Variants in OR5A2 observed in about 807,000 individuals in gnomAD.
The protein encoded by OR5A2 is olfactory receptor family 5 subfamily A member 2.
For missense variants in OR5A2, 406 were observed against 398.9 expected, an observed-to-expected ratio of 1.02 and a Z score of -0.15; for synonymous variants, 155 against 151.1, an observed-to-expected ratio of 1.03 and a Z score of -0.19.
chr11:59,422,396 C>T lies in OR5A2; in HGVS notation c.558G>A (p.Leu186=), dbSNP rs1171997179. ...NHFFCDLPPV[L]ALSCSDTFTS... is the part of the protein sequence containing the mutation. ...TGAAGGTATCAGAGCAGGACAGAGC[C>T]AGGACTGGAGGGAGGTCACAGAAAA... Residue 186 remains leucine (L), a synonymous_variant, in exon 2 of 2, where the codon CTG becomes CTA. Coordinates refer to ENST00000302040, the MANE Select transcript of OR5A2 (RefSeq NM_001001954.2). The T allele has an allele frequency of 6.2e-7, 1 of 1,614,010 alleles. No individual in the cohort carries two copies. The highest frequency in any genetic ancestry group is 1.3e-5 in the African/African-American group (1 of 74,894).
rs1235119383 is a variant in OR5A2 at position 59,422,151 on chromosome 11, G to C, written c.803C>G (p.Ser268Cys). 1 of 1,614,086 alleles carries C rather than the reference G, an allele frequency of 6.2e-7. No individual in the cohort carries two copies. Among genetic ancestry groups the C allele is most frequent in the South Asian group, 1.1e-5 (1 of 91,080 alleles). ...FMYMRPSSSYSLNRDKVVSIF... is the reference protein window; with the variant it reads ...FMYMRPSSSYCLNRDKVVSIF... ...GGACACCACCTTGTCCCTGTTTAGGGAGTAGCTGGAACTGGGTCGCATGTA... is the reference window on the plus strand; with the variant it reads ...GGACACCACCTTGTCCCTGTTTAGGCAGTAGCTGGAACTGGGTCGCATGTA... Residue 268 changes from serine to cysteine, a missense_variant, in exon 2 of 2, where the codon TCC becomes TGC. Transcript: ENST00000302040.
rs915789254 is a variant in OR5A2, at chr11:59,420,291, G to T, written c.*1688C>A. The T allele has an allele frequency of 6.6e-6, 1 of 152,106 alleles. No homozygotes were observed. The highest frequency in any genetic ancestry group is 1.5e-5 in the Non-Finnish European group (1 of 68,010). 9.4% of individuals were successfully genotyped at this position (152,106 alleles called of 1,614,324 possible). ...TAATCTCAGATCCAATGACTTAAAA[G>T]TGAATATTCTTAACCCTCTTTGCAA... On this transcript the variant is annotated 3_prime_UTR_variant, in exon 2 of 2. Transcript: ENST00000302040.
At chr11:59,425,073 A>T (rs1339001267) in intron 1 of OR5A2, 1 of 152,234 alleles carries the variant, frequency 6.6e-6, no homozygotes, top group Non-Finnish European at 1.5e-5. Context: ...GAGCTCATTT[A>T]TCAAGACAGG....
intron 1 of OR5A2, chr11:59,423,379 T>G (rs1174574465): frequency 1.3e-5 from 2 of 158,742 alleles, no homozygotes; most frequent in Admixed American, 1.2e-4. Flanking sequence ...TTTTTTAGAC[T>G]TTCTGACTTG....
In OR5A2 at chr11:59,417,177, C is replaced by T. The variant is rs929148923; in HGVS notation, c.*4802G>A. 2.0e-5 allele frequency: 3 copies of T among 151,850 alleles called. No homozygotes were observed. Among genetic ancestry groups the T allele is most frequent in the Non-Finnish European group, 2.9e-5 (2 of 67,964 alleles). 9.4% of individuals were successfully genotyped at this position (151,850 alleles called of 1,614,324 possible). A position where few individuals can be genotyped will look rare whatever the true frequency, so the allele number is the denominator to read the frequency against. ...TGAGGTCTCCCCGGGTCCCAGCTGCCGGTTTATTTATAGAATGTGGTCCCA... is the reference window on the plus strand; with the variant it reads ...TGAGGTCTCCCCGGGTCCCAGCTGCTGGTTTATTTATAGAATGTGGTCCCA... On this transcript the variant is annotated 3_prime_UTR_variant, in exon 2 of 2. Transcript: ENST00000302040.
rs1296138218 is a variant in OR5A2 at position 59,422,683 on chromosome 11, T to C, written c.271A>G (p.Lys91Glu). Residue 91 changes from lysine to glutamate, a missense_variant, in exon 2 of 2, where the codon AAA becomes GAA. Lys to Glu is a moderately conservative substitution (Grantham distance 56, BLOSUM62 1). Transcript: ENST00000302040. ...KMLSDIITEQ[K>E]TISFVGCATQ... ...GCACAGCCAACAAAGGAAATGGTTT[T>C]CTGCTCTGTGATGATGTCAGACAGC... 1.2e-6 allele frequency: 2 copies of C among 1,614,192 alleles called. No homozygotes were observed. The highest frequency in any genetic ancestry group is 3.3e-5 in the Admixed American group (2 of 60,026).
intron 1 of OR5A2, chr11:59,424,915 T>C (rs1418734888): frequency 6.6e-6 from 1 of 152,222 alleles, no homozygotes; most frequent in Non-Finnish European, 1.5e-5. Context: ...AAAAAGGAAG[T>C]AAGAGGAATT....
rs771096502 is a variant in OR5A2, at chr11:59,422,232, G to C, written c.722C>G (p.Thr241Ser). 1 of 1,614,152 alleles carries C rather than the reference G, an allele frequency of 6.2e-7. No homozygotes were observed. Among genetic ancestry groups the C allele is most frequent in the East Asian group, 2.2e-5 (1 of 44,882 alleles). Residue 241 changes from threonine (T) to serine (S), a missense_variant, in exon 2 of 2, where the codon ACT becomes AGT. Thr to Ser is a moderately conservative substitution (Grantham distance 58). Transcript: ENST00000302040. Reference sequence around the variant, plus strand: ...CACAGCAGTCAGGTGAGAGGCACAAGTGCTGAAGGCCTTTGTCCTACCTGT... The same window carrying C: ...CACAGCAGTCAGGTGAGAGGCACAACTGCTGAAGGCCTTTGTCCTACCTGT... ...SATGRTKAFS[T>S]CASHLTAVTL...
Position 59,422,219 on chromosome 11 carries a change from G to C in OR5A2, c.735C>G (p.His245Gln). Residue 245 changes from histidine to glutamine, a missense_variant, in exon 2 of 2, where the codon CAC (histidine) becomes CAG (glutamine). Coordinates refer to ENST00000302040, the MANE Select transcript of OR5A2 (RefSeq NM_001001954.2). ...CATAGAAGAGGGTCACAGCAGTCAG[G>C]TGAGAGGCACAAGTGCTGAAGGCCT... ...RTKAFSTCAS[H>Q]LTAVTLFYGS... The C allele has an allele frequency of 1.2e-6, 2 of 1,614,178 alleles. No homozygotes were observed. Among genetic ancestry groups the C allele is most frequent in the Non-Finnish European group, 1.7e-6 (2 of 1,180,024 alleles).
intron 1 of OR5A2, chr11:59,423,561 G>A (rs1287747892): frequency 6.6e-6 from 1 of 152,294 alleles, no homozygotes; most frequent in Admixed American, 6.5e-5. Flanking sequence ...TATTCTTCTA[G>A]GTAGTAAAAC....
Position 59,422,124 on chromosome 11 carries a change from A to G in OR5A2, c.830T>C (p.Ile277Thr), listed in dbSNP as rs1265934881. The G allele has an allele frequency of 6.2e-7, 1 of 1,614,132 alleles. No individual in the cohort carries two copies. The highest frequency in any genetic ancestry group is 2.2e-5 in the East Asian group (1 of 44,888). The stretch of plus-strand genomic sequence containing the variant: ...CACGGGGATCACCAAGGCATAGAAT[A>G]TGGACACCACCTTGTCCCTGTTTAG... ...YSLNRDKVVSIFYALVIPVVN... is the reference protein window; with the variant it reads ...YSLNRDKVVSTFYALVIPVVN... The change falls in exon 2 of 2, where the codon ATA becomes ACA. Residue 277 changes from isoleucine to threonine, a missense_variant. Coordinates refer to ENST00000302040, the MANE Select transcript of OR5A2 (RefSeq NM_001001954.2).
rs1858180591 is a variant in OR5A2 at position 59,418,239 on chromosome 11, A to C, written c.*3740T>G. The C allele has an allele frequency of 6.6e-6, 1 of 152,116 alleles. No individual in the cohort carries two copies. The highest frequency in any genetic ancestry group is 6.6e-5 in the Admixed American group (1 of 15,264). The allele number at this position is 152,116 out of a possible 1,614,324, so 9.4% of individuals were successfully genotyped here. On this transcript the variant is annotated 3_prime_UTR_variant, in exon 2 of 2. Coordinates refer to ENST00000302040, the MANE Select transcript of OR5A2 (RefSeq NM_001001954.2). The stretch of plus-strand genomic sequence containing the variant: ...CTTTGCTGTGATCCCTTTCTCTCCA[A>C]ATAGACTTTTCATTGTAATTTGTCT...
chr11:59,423,084 C>T, intron 1 of OR5A2, 40 bp from the exon 2 acceptor site: 2 of 962,668 alleles, frequency 2.1e-6, no homozygotes, highest in Non-Finnish European at 3.1e-6. Flanking sequence ...AGTTAAACTA[C>T]ACCCAGTTAA....
rs1858237572 is a variant in OR5A2, at chr11:59,422,348, T to A, written c.606A>T (p.Ile202=). The change falls in exon 2 of 2, where the codon ATA becomes ATT. Residue 202 remains isoleucine, a synonymous_variant. Transcript: ENST00000302040. ...ACACTATTCCAACGACAACACTGAC[T>A]ATGAAGGTCACCACCTCGCTGGTGA... The part of the protein sequence containing the change: ...DTFTSEVVTF[I]VSVVVGIVSV... 6.2e-7 allele frequency: 1 copy of A among 1,614,046 alleles called. No individual in the cohort carries two copies. The highest frequency in any genetic ancestry group is 2.2e-5 in the East Asian group (1 of 44,856).
At position 59,420,323 on chromosome 11, in the gene OR5A2, C is replaced by A. The variant is rs2134521398; in HGVS notation, c.*1656G>T. 6.6e-6 allele frequency: 1 copy of A among 152,186 alleles called. No homozygotes were observed. Among genetic ancestry groups the A allele is most frequent in the African/African-American group, 2.4e-5 (1 of 41,544 alleles). 9.4% of individuals were successfully genotyped at this position (152,186 alleles called of 1,614,324 possible). On this transcript the variant is annotated 3_prime_UTR_variant, in exon 2 of 2. Coordinates refer to ENST00000302040, the MANE Select transcript of OR5A2 (RefSeq NM_001001954.2). ...TTCTTAACCCTCTTTGCAAAAGTCC[C>A]TCCATATCCTCTTTCTAATGCAATA...
At chr11:59,423,667 G>A (rs1858260476) in intron 1 of OR5A2, 1 of 151,668 alleles carries the variant, frequency 6.6e-6, no homozygotes, top group African/African-American at 2.4e-5. Flanking sequence ...GTGTGTGCAG[G>A]GATAATTGTA....
Position 59,418,241 on chromosome 11 carries a change from T to C in OR5A2, c.*3738A>G, listed in dbSNP as rs1398695535. 6.6e-6 allele frequency: 1 copy of C among 152,146 alleles called. No homozygotes were observed. The highest frequency in any genetic ancestry group is 3.2e-3 in the Middle Eastern group (1 of 316). The allele number at this position is 152,146 out of a possible 1,614,324, so 9.4% of individuals were successfully genotyped here. A position where few individuals can be genotyped will look rare whatever the true frequency, so the allele number is the denominator to read the frequency against. On this transcript the variant is annotated 3_prime_UTR_variant, in exon 2 of 2. Coordinates refer to ENST00000302040, the MANE Select transcript of OR5A2 (RefSeq NM_001001954.2). ...TTGCTGTGATCCCTTTCTCTCCAAA[T>C]AGACTTTTCATTGTAATTTGTCTTT...
chr11:59,423,665 A>T (rs978531912), intron 1 of OR5A2: 3 of 152,074 alleles, frequency 2.0e-5, no homozygotes, highest in African/African-American at 4.8e-5. Context: ...GTGTGTGTGC[A>T]GGGATAATTG....
Position 59,421,866 on chromosome 11 carries a change from C to A in OR5A2, c.*113G>T. ...CCAACAGGCAAACTATTAGTGAAAT[C>A]TTAAGCAGGAGGGAAAAAAGCCTGA... On this transcript the variant is annotated 3_prime_UTR_variant, in exon 2 of 2. Coordinates refer to ENST00000302040, the MANE Select transcript of OR5A2 (RefSeq NM_001001954.2). 1 of 1,202,878 alleles carries A rather than the reference C, an allele frequency of 8.3e-7. No homozygotes were observed. The highest frequency in any genetic ancestry group is 1.2e-6 in the Non-Finnish European group (1 of 866,856). The allele number at this position is 1,202,878 out of a possible 1,614,324, so 74.5% of individuals were successfully genotyped here.
Sources: gnomAD v4.1 joint callset for allele counts on GRCh38, gnomAD v4.1.1 for gene constraint, MANE v1.5 for transcripts, NCBI Gene and HGNC (gene_info 2026-07-23, HGNC 2026-07-21) for gene names.